Variants in SLC17A1 observed in about 807,000 individuals in gnomAD.
SLC17A1 encodes the protein solute carrier family 17 member 1.
A neutral mutation model predicts 53.5 loss-of-function variants in SLC17A1; 51 were observed. The ratio of observed to expected loss-of-function variants is 0.95; its 90% CI spans 0.76 to 1.20. The LOEUF is 1.20. SLC17A1 is among the 50% of genes most tolerant of loss of function. SLC17A1 has a pLI of 0.00. For missense variants in SLC17A1, 538 were observed against 568.2 expected (o/e 0.95, Z 0.54); for synonymous variants, 179 against 198.8 (o/e 0.90, Z 0.84).
the SLC17A1 span, chr6:25,773,556 A>G: frequency 1.2e-6 from 2 of 1,613,940 alleles, no homozygotes; most frequent in South Asian, 2.2e-5. Flanking sequence ...GCTATGATCA[A>G]ATCCTTACCA....
chr6:25,805,922 C>A (rs1763937637), intron 10 of SLC17A1, among the ~76,000 whole-genome samples: 1 of 151,920 alleles, frequency 6.6e-6, no homozygotes, highest in South Asian at 2.1e-4. Context: ...CAGGGCCAGA[C>A]AGATTCACAG....
At chr6:25,814,983 TCACACAAACACA>T (rs71544285) in intron 6 of SLC17A1, among the ~76,000 whole-genome samples, 120 of 140,540 alleles carry the variant, frequency 8.5e-4, no homozygotes, top group African/African-American at 2.0e-3. Flanking sequence ...CAAGACTCTG[TCACACAAACACA>T]CACACACACA....
intron 11 of SLC17A1, among the ~76,000 whole-genome samples, chr6:25,800,682 C>T (rs1487738343): frequency 2.6e-5 from 4 of 152,136 alleles, no homozygotes; most frequent in Non-Finnish European, 5.9e-5. Flanking sequence ...AAAGAGTTCT[C>T]AACATATCTA....
chr6:25,772,310 A>G, the SLC17A1 span, among the ~76,000 whole-genome samples: 1 of 152,184 alleles, frequency 6.6e-6, no homozygotes, highest in African/African-American at 2.4e-5. Context: ...CCAATGTGCA[A>G]CATTGCTAAT....
At chr6:25,757,164 A>C in the SLC17A1 span, among the ~76,000 whole-genome samples, 1 of 152,200 alleles carries the variant, frequency 6.6e-6, no homozygotes, top group Non-Finnish European at 1.5e-5. Flanking sequence ...GACATCATTG[A>C]GGCAACTTCT....
Position 25,811,432 on chromosome 6 carries a change from C to T in SLC17A1, c.1144G>A (p.Gly382Arg). Reference protein sequence around the residue: ...AGATGSFCLGGVFINGLDIAP... With the variant: ...AGATGSFCLGRVFINGLDIAP... Reference sequence around the variant, plus strand: ...ATATCCAAGCCATTTATAAACACTCCACCCAAGCAAAAGCTGCCTGTTGCA... The same window carrying T: ...ATATCCAAGCCATTTATAAACACTCTACCCAAGCAAAAGCTGCCTGTTGCA... Residue 382 changes from glycine to arginine, a missense_variant, in exon 10 of 13, where the codon GGA becomes AGA. Physicochemically the swap from Gly to Arg is moderately radical, Grantham distance 125. Transcript: ENST00000244527. 1 of 1,613,698 alleles carries T rather than the reference C, an allele frequency of 6.2e-7. No individual in the cohort carries two copies. Among genetic ancestry groups the T allele is most frequent in the Non-Finnish European group, 8.5e-7 (1 of 1,179,832 alleles).
Position 25,802,935 on chromosome 6 carries a change from C to CTTTTTTT in SLC17A1, c.1179-1962_1179-1956dup, listed in dbSNP as rs34669145. Among the ~76,000 whole-genome samples the CTTTTTTT allele has an allele frequency of 2.1e-3, 95 of 46,104 alleles. 16 individuals are homozygous for CTTTTTTT. Among genetic ancestry groups the CTTTTTTT allele is most frequent in the Middle Eastern group, 0.013 (1 of 76 alleles). The allele number at this position is 46,104 out of a possible 152,430, so 30.2% of individuals were successfully genotyped here. A position where few individuals can be genotyped will look rare whatever the true frequency, so the allele number is the denominator to read the frequency against. On this transcript the variant is annotated intron_variant, in intron 10 of 12. Transcript: ENST00000244527. ...ATGACGTTTTAACGACTATCTTCTT[C>CTTTTTTT]TTTTTTTTTTTTTTTTTTTTTTTTT...
At chr6:25,813,257 G>GTGGA in intron 6 of SLC17A1, 44 bp from the exon 7 acceptor site, 3 of 1,468,788 alleles carry the variant, frequency 2.0e-6, no homozygotes, top group Non-Finnish European at 2.9e-6. Context: ...TCTGTTTGTA[G>GTGGA]TGGATCTCTT....
chr6:25,732,797 AG>A, the SLC17A1 span: 1 of 753,568 alleles, frequency 1.3e-6, no homozygotes, highest in Non-Finnish European at 2.1e-6. Context: ...AAGGATTGGG[AG>A]CCACTACCAC....
At chr6:25,773,188 A>G in the SLC17A1 span, 4 of 1,020,794 alleles carry the variant, frequency 3.9e-6, no homozygotes, top group South Asian at 1.4e-5. Context: ...GAGGCCAGTC[A>G]CTCTGTCAAC....
At chr6:25,726,550 A>G in the SLC17A1 span, 2 of 1,591,664 alleles carry the variant, frequency 1.3e-6, no homozygotes, top group East Asian at 4.5e-5. Context: ...AATTGCAGCA[A>G]CACGAGAACC....
the SLC17A1 span, among the ~76,000 whole-genome samples, chr6:25,739,752 G>T: frequency 6.6e-6 from 1 of 152,152 alleles, no homozygotes; most frequent in African/African-American, 2.4e-5. Context: ...TAGGGATGGA[G>T]AATAACTTAA....
the SLC17A1 span, among the ~76,000 whole-genome samples, chr6:25,731,358 G>T: frequency 4.6e-5 from 7 of 152,232 alleles, no homozygotes; most frequent in African/African-American, 1.7e-4. Context: ...TATGGCCAAA[G>T]TCAAGAAAAA....
the SLC17A1 span, among the ~76,000 whole-genome samples, chr6:25,774,970 C>T: frequency 1.4e-4 from 22 of 152,092 alleles, no homozygotes; most frequent in Non-Finnish European, 2.4e-4. Context: ...GCATTATATT[C>T]GATAGAATTT....
chr6:25,808,094 G>A (rs961653306), intron 10 of SLC17A1, among the ~76,000 whole-genome samples: 52 of 152,090 alleles, frequency 3.4e-4, no homozygotes, highest in African/African-American at 1.3e-3. Context: ...CAGTGTAAAG[G>A]TGTTCCCTTT....
downstream of SLC17A1, chr6:25,779,261 T>C: frequency 1.3e-6 from 2 of 1,586,118 alleles, no homozygotes; most frequent in Middle Eastern, 1.7e-4. Context: ...TTCTCTTTCA[T>C]GCCTGCTTGA....
the SLC17A1 span, chr6:25,776,891 G>T: frequency 6.2e-7 from 1 of 1,613,886 alleles, no homozygotes; most frequent in Non-Finnish European, 8.5e-7. Flanking sequence ...CCTTCTTGGT[G>T]CTGTCTTCTG....
chr6:25,825,273 G>A (rs746618695), intron 3 of SLC17A1, among the ~76,000 whole-genome samples: 28 of 151,758 alleles, frequency 1.8e-4, no homozygotes, highest in Non-Finnish European at 3.4e-4. Flanking sequence ...TTCTTTTGTG[G>A]TAAGCCTGCT....
At chr6:25,762,782 A>T in the SLC17A1 span, among the ~76,000 whole-genome samples, 45,348 of 152,036 alleles carry the variant, frequency 0.3, 7,735 homozygotes, top group East Asian at 0.74. Flanking sequence ...TTAGTACTCA[A>T]CCTACAACTA....
Sources: gnomAD v4.1 joint callset for allele counts (sites outside exome capture counted in the v4.1 genomes callset) on GRCh38, gnomAD v4.1.1 for gene constraint, MANE v1.5 for transcripts, NCBI Gene and HGNC (gene_info 2026-07-23, HGNC 2026-07-21) for gene names.